The following RNF13 variants were observed in gnomAD, a reference collection of about 807,000 sequenced individuals.
RNF13 encodes ring finger protein 13.
RNF13 carries 19 observed loss-of-function variants against 37.7 expected under a neutral mutation model. The ratio of observed to expected loss-of-function variants is 0.50; its 90% CI spans 0.35 to 0.74. The LOEUF (loss-of-function observed/expected upper bound fraction) is 0.74, where lower values mean the gene tolerates loss of function less well. RNF13 is among the 30% of genes least tolerant of loss of function. RNF13 has a pLI of 0.01. For missense variants in RNF13, 375 were observed against 453.0 expected (o/e 0.83, Z 1.56); for synonymous variants, 144 against 157.8 (o/e 0.91, Z 0.65).
intron 4 of RNF13, among the ~76,000 whole-genome samples, chr3:149,872,872 A>G (rs1262627350): frequency 1.3e-5 from 2 of 152,250 alleles, no homozygotes; most frequent in African/African-American, 4.8e-5. Context: ...TTTTGATTGC[A>G]TGGAAGAAAT....
In RNF13 at chr3:149,835,665, GTT is replaced by G. The variant is rs1491283535; in HGVS notation, c.-16-10344_-16-10343del. ...TGTGTGTGTGTGTGTGTGTGTGTGT[GTT>G]TGTGTGTGTGTGTGTGTATGTGTGT... On this transcript the variant is annotated intron_variant, in intron 1 of 9. Transcript: ENST00000392894. 1.0e-4 allele frequency among the ~76,000 whole-genome samples: 15 copies of G among 148,990 alleles called. No individual in the cohort carries two copies. In the South Asian group the frequency reaches 1.1e-3, roughly 10 times the overall value.
intron 8 of RNF13, among the ~76,000 whole-genome samples, chr3:149,937,049 G>C (rs2631550): frequency 6.6e-6 from 1 of 152,136 alleles, no homozygotes; most frequent in Non-Finnish European, 1.5e-5. Flanking sequence ...TTTGTGCGCA[G>C]AGGACCCGTG....
Position 149,867,181 on chromosome 3 carries a change from C to A in RNF13, c.196-4848C>A, listed in dbSNP as rs181647361. 8.0e-3 allele frequency among the ~76,000 whole-genome samples: 1,219 copies of A among 152,196 alleles called. 9 individuals carry two copies. The highest frequency in any genetic ancestry group is 0.013 in the Non-Finnish European group (865 of 68,006). Reference sequence around the variant, plus strand: ...GTTTGCTGCATATGCTTGGCTGCCCCATATTGGGTGCATAAATAGTTATAA... The same window carrying A: ...GTTTGCTGCATATGCTTGGCTGCCCAATATTGGGTGCATAAATAGTTATAA... On this transcript the variant is annotated intron_variant, in intron 3 of 9. Coordinates refer to ENST00000392894, the MANE Select transcript of RNF13 (RefSeq NM_183381.3).
intron 4 of RNF13, among the ~76,000 whole-genome samples, chr3:149,885,004 C>T (rs1713860364): frequency 1.3e-5 from 2 of 152,108 alleles, no homozygotes; most frequent in South Asian, 2.1e-4. Context: ...GTGCCTGGCT[C>T]ATTTCACTTA....
At chr3:149,956,000 A>G (rs1279760361) in intron 8 of RNF13, among the ~76,000 whole-genome samples, 6 of 152,060 alleles carry the variant, frequency 3.9e-5, no homozygotes, top group African/African-American at 9.7e-5. Context: ...CTAACTTACT[A>G]TCATATTTAT....
chr3:149,812,838 C>T (rs11557682), upstream of RNF13: 50,361 of 152,290 alleles, frequency 0.33, 10,024 homozygotes, highest in East Asian at 0.63. Context: ...CAGATCAGAC[C>T]GACCGGCCCT....
At chr3:149,919,180 CAT>C (rs922442112) in intron 7 of RNF13, among the ~76,000 whole-genome samples, 5 of 152,038 alleles carry the variant, frequency 3.3e-5, no homozygotes, top group Non-Finnish European at 5.9e-5. Context: ...ATAAATTACA[CAT>C]ATTTAAATTG....
intron 4 of RNF13, among the ~76,000 whole-genome samples, chr3:149,894,298 A>G (rs760877387): frequency 3.9e-5 from 6 of 152,184 alleles, no homozygotes; most frequent in Non-Finnish European, 7.4e-5. Flanking sequence ...GTGCCAAGTC[A>G]ACTGACCTGA....
chr3:149,933,578 C>G (rs1320301828), intron 8 of RNF13, among the ~76,000 whole-genome samples: 1 of 143,172 alleles, frequency 7.0e-6, no homozygotes, highest in Admixed American at 7.2e-5. Flanking sequence ...AGTTTCTTTT[C>G]TTTCTTCTTT....
At chr3:149,913,823 A>G (rs1230418440) in intron 7 of RNF13, among the ~76,000 whole-genome samples, 1 of 152,140 alleles carries the variant, frequency 6.6e-6, no homozygotes, top group African/African-American at 2.4e-5. Context: ...GATGATGCTA[A>G]CCTTCATCCC....
intron 6 of RNF13, among the ~76,000 whole-genome samples, chr3:149,906,590 A>G (rs1349578658): frequency 1.4e-5 from 2 of 147,756 alleles, no homozygotes; most frequent in South Asian, 2.2e-4. Context: ...TGACATTTTT[A>G]GGATAAGTCT....
chr3:149,836,920 T>C (rs547796449), intron 1 of RNF13, among the ~76,000 whole-genome samples: 2 of 152,316 alleles, frequency 1.3e-5, no homozygotes, highest in Admixed American at 1.3e-4. Flanking sequence ...ATTCCACTTA[T>C]ATTAGGTAGT....
At chr3:149,941,140 T>C (rs932551667) in intron 8 of RNF13, among the ~76,000 whole-genome samples, 1 of 152,220 alleles carries the variant, frequency 6.6e-6, no homozygotes, top group African/African-American at 2.4e-5. Context: ...TTGTCTATTA[T>C]AAATAATGCT....
intron 8 of RNF13, among the ~76,000 whole-genome samples, chr3:149,926,007 C>T (rs1235262097): frequency 1.3e-5 from 2 of 152,146 alleles, no homozygotes; most frequent in Non-Finnish European, 2.9e-5. Context: ...TTCACTTTCA[C>T]GAAGTACCTT....
At chr3:149,853,455 GGAGA>G (rs397842025) in intron 3 of RNF13, among the ~76,000 whole-genome samples, 36,649 of 116,666 alleles carry the variant, frequency 0.31, 5,022 homozygotes, top group East Asian at 0.41. Context: ...AGAGAGAGAG[GGAGA>G]GAGAGAGAGA....
At chr3:149,931,858 G>A (rs1719193094) in intron 8 of RNF13, among the ~76,000 whole-genome samples, 1 of 152,066 alleles carries the variant, frequency 6.6e-6, no homozygotes, top group South Asian at 2.1e-4. Flanking sequence ...ACCCTTCCCA[G>A]CATCTGGTAA....
intron 1 of RNF13, among the ~76,000 whole-genome samples, chr3:149,828,672 C>T (rs999874107): frequency 6.6e-6 from 1 of 152,136 alleles, no homozygotes; most frequent in Non-Finnish European, 1.5e-5. Context: ...ATCACTCTCT[C>T]TCTCTCTTTT....
chr3:149,888,998 G>A (rs1714354764), intron 4 of RNF13, among the ~76,000 whole-genome samples: 1 of 152,178 alleles, frequency 6.6e-6, no homozygotes, highest in Admixed American at 6.5e-5. Flanking sequence ...AAGTCCAGTG[G>A]CGCGATCTCA....
At chr3:149,923,219 C>T (rs1449105589) in intron 8 of RNF13, among the ~76,000 whole-genome samples, 1 of 152,076 alleles carries the variant, frequency 6.6e-6, no homozygotes, top group Non-Finnish European at 1.5e-5. Flanking sequence ...CAGTGATTTA[C>T]ATTATCATTA....
Sources: gnomAD v4.1 joint callset for allele counts (sites outside exome capture counted in the v4.1 genomes callset) on GRCh38, gnomAD v4.1.1 for gene constraint, MANE v1.5 for transcripts, NCBI Gene and HGNC (gene_info 2026-07-23, HGNC 2026-07-21) for gene names.